Variants in CCDC91 observed in about 807,000 individuals in gnomAD.
CCDC91 encodes the protein coiled-coil domain containing 91.
A neutral mutation model predicts 63.2 loss-of-function variants in CCDC91; 48 were observed. That is an observed-to-expected ratio of 0.76 (90% CI 0.60 to 0.97). The LOEUF (loss-of-function observed/expected upper bound fraction) is 0.97, where lower values mean the gene tolerates loss of function less well. CCDC91 is among the 50% of genes least tolerant of loss of function. The pLI is 0.00. For synonymous variants in CCDC91, 167 were observed against 165.8 expected, an observed-to-expected ratio of 1.01 and a Z score of -0.06; for missense variants, 500 against 494.6, an observed-to-expected ratio of 1.01 and a Z score of -0.10.
chr12:28,249,565 A>G (rs1433657997), intron 1 of CCDC91, among the ~76,000 whole-genome samples: 1 of 152,172 alleles, frequency 6.6e-6, no homozygotes, highest in Non-Finnish European at 1.5e-5. Context: ...GAGCTTCTTT[A>G]TGGGAGCTAA....
chr12:28,383,792 G>A (rs897536976), intron 7 of CCDC91, among the ~76,000 whole-genome samples: 12 of 151,978 alleles, frequency 7.9e-5, no homozygotes, highest in African/African-American at 2.7e-4. Flanking sequence ...TTTCTGAAAC[G>A]TCTAAATACT....
intron 8 of CCDC91, among the ~76,000 whole-genome samples, chr12:28,448,607 A>G (rs1949651132): frequency 1.3e-5 from 2 of 152,166 alleles, no homozygotes; most frequent in South Asian, 4.1e-4. Context: ...TAGCCCACTT[A>G]TAATGAATTA....
intron 11 of CCDC91, among the ~76,000 whole-genome samples, chr12:28,470,151 A>G (rs1950742249): frequency 6.6e-6 from 1 of 152,194 alleles, no homozygotes; most frequent in African/African-American, 2.4e-5. Flanking sequence ...GAGACAACCC[A>G]CAGAATGAGA....
intron 1 of CCDC91, among the ~76,000 whole-genome samples, chr12:28,191,825 A>G (rs1225219190): frequency 6.6e-6 from 1 of 152,132 alleles, no homozygotes; most frequent in Non-Finnish European, 1.5e-5. Context: ...TGCCAGGCAG[A>G]GTGCACCTGC....
chr12:28,490,853 A>G (rs1397307372), intron 12 of CCDC91, among the ~76,000 whole-genome samples: 3 of 151,750 alleles, frequency 2.0e-5, no homozygotes, highest in African/African-American at 4.8e-5. Context: ...CTTGCATAAG[A>G]ATAATCTTGA....
chr12:28,351,502 C>T (rs1195056437), intron 6 of CCDC91, among the ~76,000 whole-genome samples: 1 of 152,254 alleles, frequency 6.6e-6, no homozygotes, highest in Non-Finnish European at 1.5e-5. Flanking sequence ...GGCCTGTGCT[C>T]CAGGTCAGTT....
chr12:28,330,682 C>T (rs1053598033), intron 6 of CCDC91, among the ~76,000 whole-genome samples: 3 of 151,804 alleles, frequency 2.0e-5, no homozygotes, highest in Non-Finnish European at 2.9e-5. Context: ...TCATGAAGTC[C>T]GATTAAGGAC....
chr12:28,217,756 T>C (rs2135602622), intron 1 of CCDC91, among the ~76,000 whole-genome samples: 1 of 151,628 alleles, frequency 6.6e-6, no homozygotes, highest in Non-Finnish European at 1.5e-5. Flanking sequence ...TGTAACTACC[T>C]GAAAAAAAAA....
intron 7 of CCDC91, among the ~76,000 whole-genome samples, chr12:28,388,440 A>T (rs887876621): frequency 6.6e-6 from 1 of 152,200 alleles, no homozygotes; most frequent in Non-Finnish European, 1.5e-5. Flanking sequence ...ATGTACACAG[A>T]TCAGTAGCTC....
At chr12:28,533,521 C>T (rs1941911063) in intron 12 of CCDC91, among the ~76,000 whole-genome samples, 1 of 152,024 alleles carries the variant, frequency 6.6e-6, no homozygotes, top group Admixed American at 6.6e-5. Flanking sequence ...ATAAACCACA[C>T]TTAAATTACT....
chr12:28,243,047 AT>A (rs1248579683), intron 1 of CCDC91, among the ~76,000 whole-genome samples: 4 of 152,182 alleles, frequency 2.6e-5, no homozygotes, highest in Non-Finnish European at 4.4e-5. Flanking sequence ...CCGTGGGCCA[AT>A]TAAACCCCAT....
At chr12:28,532,882 A>G (rs1379873972) in intron 12 of CCDC91, among the ~76,000 whole-genome samples, 1 of 152,110 alleles carries the variant, frequency 6.6e-6, no homozygotes, top group Non-Finnish European at 1.5e-5. Context: ...TTGTACCTCT[A>G]ACTTTTATCA....
At chr12:28,346,612 A>G (rs1235468722) in intron 6 of CCDC91, among the ~76,000 whole-genome samples, 1 of 152,150 alleles carries the variant, frequency 6.6e-6, no homozygotes, top group African/African-American at 2.4e-5. Flanking sequence ...TAAGAAGAAT[A>G]TTTTAGAGAA....
At chr12:28,213,171 C>T (rs1179532342) in intron 1 of CCDC91, among the ~76,000 whole-genome samples, 1 of 152,154 alleles carries the variant, frequency 6.6e-6, no homozygotes, top group Non-Finnish European at 1.5e-5. Flanking sequence ...CCTTTCCCCC[C>T]AGGGGAATTA....
At chr12:28,203,017 G>A (rs1942580837) in intron 1 of CCDC91, among the ~76,000 whole-genome samples, 1 of 152,192 alleles carries the variant, frequency 6.6e-6, no homozygotes, top group Admixed American at 6.5e-5. Context: ...GGAACTGCCA[G>A]ACAGGTCAAT....
chr12:28,386,638 A>G (rs1945620705), intron 7 of CCDC91, among the ~76,000 whole-genome samples: 1 of 152,196 alleles, frequency 6.6e-6, no homozygotes, highest in African/African-American at 2.4e-5. Flanking sequence ...AAGTACTGGG[A>G]TTACAGGCGT....
At chr12:28,362,662 T>C in intron 7 of CCDC91, 147 bp downstream of exon 7, 1 of 501,302 alleles carries the variant, frequency 2.0e-6, no homozygotes, top group South Asian at 3.1e-5. Context: ...CAAATATCCA[T>C]TGAAAGCATA....
At chr12:28,477,271 C>A (rs957050600) in intron 11 of CCDC91, among the ~76,000 whole-genome samples, 3 of 152,174 alleles carry the variant, frequency 2.0e-5, no homozygotes, top group Non-Finnish European at 4.4e-5. Flanking sequence ...GCTTATCCAC[C>A]ATGATCAAGT....
chr12:28,251,040 A>C (rs1211647094), intron 1 of CCDC91, among the ~76,000 whole-genome samples: 1 of 151,828 alleles, frequency 6.6e-6, no homozygotes, highest in African/African-American at 2.4e-5. Context: ...AAGAGTCAGA[A>C]AAAAAACCAC....
Sources: gnomAD v4.1 joint callset for allele counts (sites outside exome capture counted in the v4.1 genomes callset) on GRCh38, gnomAD v4.1.1 for gene constraint, MANE v1.5 for transcripts, NCBI Gene and HGNC (gene_info 2026-07-23, HGNC 2026-07-21) for gene names.